The following CHD5 variants were observed in gnomAD, a reference collection of about 807,000 sequenced individuals.
CHD5 encodes the protein ATP-dependent chromatin remodeler CHD5.
A neutral mutation model predicts 230.3 loss-of-function variants in CHD5; 69 were observed. The observed-to-expected ratio is 0.30, with a 90% CI of 0.25 to 0.37. The LOEUF is 0.37. CHD5 is among the 10% of genes least tolerant of loss of function. The pLI is 1.00. For missense variants in CHD5, 1,827 were observed against 2,622.8 expected, an observed-to-expected ratio of 0.70 and a Z score of 6.63; for synonymous variants, 1,064 against 1,065.9, an observed-to-expected ratio of 1.00 and a Z score of 0.03.
chr1:6,133,776 T>C (rs1366810930), intron 20 of CHD5, among the ~76,000 whole-genome samples: 1 of 152,148 alleles, frequency 6.6e-6, no homozygotes, highest in Non-Finnish European at 1.5e-5. Flanking sequence ...TCAGGGCCTA[T>C]TGGAGAGAGG....
In CHD5 at chr1:6,146,596, G is replaced by A. The variant is rs978912474; in HGVS notation, c.1590+69C>T. ...GTCAGAGGCGCTTCAGCCCCTTCCC[G>A]CCAGCCCAGGAGGGTCCAGGGCTCA... On this transcript the variant is annotated intron_variant, in intron 10 of 41. Transcript: ENST00000262450. This position sits in a 1 kb window ranked among gnomAD's most constrained non-coding sequence, Gnocchi z 5.1. 5.6e-5 allele frequency: 86 copies of A among 1,540,146 alleles called. No individual in the cohort carries two copies. The highest frequency in any genetic ancestry group is 2.7e-4 in the East Asian group (12 of 44,288).
Position 6,157,806 on chromosome 1 carries a change from T to G in CHD5, c.387+1530A>C, listed in dbSNP as rs545536702. On this transcript the variant is annotated intron_variant, in intron 3 of 41. Coordinates refer to ENST00000262450, the MANE Select transcript of CHD5 (RefSeq NM_015557.3). ...AGGGGATGATACTGTTACAGGGTGA[T>G]CCTGAATCACTCTCTTAAGTGAAGC... Among the ~76,000 whole-genome samples, 46 of 152,224 alleles carry G rather than the reference T, an allele frequency of 3.0e-4. 1 individual carries two copies. The South Asian group carries it at 9.4e-3, about 31-fold the overall frequency.
chr1:6,158,543 T>C (rs1003248378), intron 3 of CHD5, among the ~76,000 whole-genome samples: 5 of 152,216 alleles, frequency 3.3e-5, no homozygotes, highest in Non-Finnish European at 7.3e-5. Flanking sequence ...TGCGTGGTGA[T>C]GCGTGCCTGT....
Position 6,128,229 on chromosome 1 carries a change from G to A in CHD5, c.3731-11C>T. On this transcript the variant is annotated splice_polypyrimidine_tract_variant and intron_variant, in intron 24 of 41. Coordinates refer to ENST00000262450, the MANE Select transcript of CHD5 (RefSeq NM_015557.3). The surrounding 1 kb of genome is among the most constrained non-coding windows in gnomAD (Gnocchi z 7.8). ...CGTCCTTGTTGTCACCTGGGGAGCA[G>A]GCAAATGCAGTGTGAGGACAAAGAC... The A allele has an allele frequency of 6.2e-7, 1 of 1,613,310 alleles. No individual in the cohort carries two copies. Among genetic ancestry groups the A allele is most frequent in the Non-Finnish European group, 8.5e-7 (1 of 1,179,564 alleles).
chr1:6,113,284 CT>C (rs1270746994), intron 33 of CHD5: 1 of 421,180 alleles, frequency 2.4e-6, no homozygotes, highest in Non-Finnish European at 4.5e-6. Flanking sequence ...CTTAGCTGGG[CT>C]TGGCGCCATG....
chr1:6,157,748 C>T (rs1667101915), intron 3 of CHD5, among the ~76,000 whole-genome samples: 1 of 152,210 alleles, frequency 6.6e-6, no homozygotes, highest in Non-Finnish European at 1.5e-5. Context: ...ACCCCTTGGT[C>T]CCCACCCAGG....
chr1:6,104,406 G>C lies in CHD5; in HGVS notation c.*1068C>G, dbSNP rs1405545363. The C allele has an allele frequency of 6.6e-6, 1 of 152,414 alleles. No individual in the cohort carries two copies. The highest frequency in any genetic ancestry group is 2.4e-5 in the African/African-American group (1 of 41,440). The allele number at this position is 152,414 out of a possible 1,614,324, so 9.4% of individuals were successfully genotyped here. A position where few individuals can be genotyped will look rare whatever the true frequency, so the allele number is the denominator to read the frequency against. On this transcript the variant is annotated 3_prime_UTR_variant, in exon 42 of 42. Transcript: ENST00000262450. Reference sequence around the variant, plus strand: ...CCCGGGAAGGCCTTTCCAGGGACAGGGGAATGGGACAAGTCCAGGCCCCCA... The same window carrying C: ...CCCGGGAAGGCCTTTCCAGGGACAGCGGAATGGGACAAGTCCAGGCCCCCA...
chr1:6,162,317 C>T (rs558950587), intron 2 of CHD5, among the ~76,000 whole-genome samples: 7 of 151,196 alleles, frequency 4.6e-5, no homozygotes, highest in African/African-American at 1.5e-4. Context: ...ACCTGGGAGG[C>T]GGAGGTTGCA....
chr1:6,162,724 G>A (rs993009280), intron 2 of CHD5, among the ~76,000 whole-genome samples: 1 of 152,204 alleles, frequency 6.6e-6, no homozygotes, highest in African/African-American at 2.4e-5. Context: ...CAGCCAGGAC[G>A]ACAAGCTGGA....
At chr1:6,117,426 T>A (rs1451120419) in intron 33 of CHD5, among the ~76,000 whole-genome samples, 1 of 152,100 alleles carries the variant, frequency 6.6e-6, no homozygotes, top group Non-Finnish European at 1.5e-5. Context: ...AAAGAACTCA[T>A]ACAAGCCAGG....
chr1:6,148,766 T>G, intron 9 of CHD5, 88 bp downstream of exon 9: 1 of 1,139,598 alleles, frequency 8.8e-7, no homozygotes, highest in Non-Finnish European at 1.2e-6. Context: ...GGGCGGGGCC[T>G]TTTGAGGAGG....
At position 6,151,034 on chromosome 1, in the gene CHD5, C is replaced by T. The variant is rs1455169102; in HGVS notation, c.992G>A (p.Arg331Lys). 3 of 1,565,736 alleles carry T rather than the reference C, an allele frequency of 1.9e-6. No individual in the cohort carries two copies. The highest frequency in any genetic ancestry group is 3.5e-5 in the Admixed American group (2 of 56,662). The change falls in exon 7 of 42, where the codon AGG becomes AAG. Residue 331 changes from arginine to lysine, a missense_variant and splice_region_variant. Arg to Lys is a conservative substitution (Grantham distance 26). Coordinates refer to ENST00000262450, the MANE Select transcript of CHD5 (RefSeq NM_015557.3). Reference sequence around the variant, plus strand: ...ACTCTCTGGAAGGGGAGTCATACTCCTCTTCTTCTTGCGCCTCCTCTTGCT... The same window carrying T: ...ACTCTCTGGAAGGGGAGTCATACTCTTCTTCTTCTTGCGCCTCCTCTTGCT... ...KKSKRRRKKKRIDDGDGYETD... is the reference protein window; with the variant it reads ...KKSKRRRKKKKIDDGDGYETD...
At chr1:6,109,292 G>C (rs922288586) in intron 38 of CHD5, among the ~76,000 whole-genome samples, 2 of 152,100 alleles carry the variant, frequency 1.3e-5, no homozygotes, top group Non-Finnish European at 2.9e-5. Context: ...TCTCACCACA[G>C]GGCCACCCCT....
chr1:6,166,908 G>A (rs1449410651), intron 2 of CHD5, among the ~76,000 whole-genome samples: 4 of 152,098 alleles, frequency 2.6e-5, no homozygotes, highest in African/African-American at 4.8e-5. Context: ...TGCACCACCC[G>A]CAACAGGCCC....
At chr1:6,161,981 C>T (rs1258235708) in intron 2 of CHD5, among the ~76,000 whole-genome samples, 4 of 152,190 alleles carry the variant, frequency 2.6e-5, no homozygotes, top group Non-Finnish European at 5.9e-5. Flanking sequence ...GAGGCTCTGC[C>T]CCTTGCAAGC....
Position 6,134,013 on chromosome 1 carries a change from A to G in CHD5, c.3144+115T>C. 9.9e-7 allele frequency: 1 copy of G among 1,012,620 alleles called. No homozygotes were observed. The highest frequency in any genetic ancestry group is 1.6e-5 in the African/African-American group (1 of 62,762). 62.7% of individuals were successfully genotyped at this position (1,012,620 alleles called of 1,614,324 possible). A position where few individuals can be genotyped will look rare whatever the true frequency, so the allele number is the denominator to read the frequency against. ...CCTGACACACAGTCACATGACCCAC[A>G]TGGGAACGGCACTGGGCCCTGAGGG... On this transcript the variant is annotated intron_variant, in intron 20 of 41. Coordinates refer to ENST00000262450, the MANE Select transcript of CHD5 (RefSeq NM_015557.3). The surrounding 1 kb of genome is among the most constrained non-coding windows in gnomAD (Gnocchi z 6.3).
Position 6,112,204 on chromosome 1 carries a change from C to T in CHD5, c.5076G>A (p.Gly1692=), listed in dbSNP as rs780370116. The change falls in exon 35 of 42, where the codon GGG becomes GGA. Residue 1692 remains glycine (G), a synonymous_variant. Coordinates refer to ENST00000262450, the MANE Select transcript of CHD5 (RefSeq NM_015557.3). ...QNGDKEEDDE[G]KKEDKKGKFK... is the part of the protein sequence containing the mutation. ...ATTTCCCCTTCTTGTCCTCCTTCTT[C>T]CCCTCGTCATCTTCCTCTTTGTCAC... The T allele has an allele frequency of 4.3e-6, 7 of 1,614,044 alleles. No individual in the cohort carries two copies. Among genetic ancestry groups the T allele is most frequent in the Non-Finnish European group, 5.1e-6 (6 of 1,180,012 alleles).
chr1:6,159,148 T>C (rs1667127277), intron 3 of CHD5, among the ~76,000 whole-genome samples, 188 bp downstream of exon 3: 1 of 151,240 alleles, frequency 6.6e-6, no homozygotes, highest in South Asian at 2.1e-4. Context: ...GGCAGGAGAA[T>C]TGCTTGAACC....
At chr1:6,139,483 C>G (rs529576338) in intron 15 of CHD5, among the ~76,000 whole-genome samples, 1 of 151,832 alleles carries the variant, frequency 6.6e-6, no homozygotes, top group African/African-American at 2.4e-5. Flanking sequence ...GTGACCCACC[C>G]GCCTCGGCCT....
Sources: gnomAD v4.1 joint callset for allele counts (sites outside exome capture counted in the v4.1 genomes callset) on GRCh38, gnomAD v4.1.1 for gene constraint, Gnocchi (gnomAD v3.1) non-coding constraint, MANE v1.5 for transcripts, NCBI Gene and HGNC (gene_info 2026-07-23, HGNC 2026-07-21) for gene names.